The following EXT1 variants were observed in gnomAD, a reference collection of about 807,000 sequenced individuals.
The protein encoded by EXT1 is exostosin-1.
EXT1 carries 20 observed loss-of-function variants against 82.5 expected under a neutral mutation model. The ratio of observed to expected loss-of-function variants is 0.24; its 90% CI spans 0.17 to 0.35. The LOEUF (loss-of-function observed/expected upper bound fraction) is 0.35, where lower values mean the gene tolerates loss of function less well. Ranked by LOEUF, EXT1 falls within the 10% of genes least tolerant of loss-of-function variation. The pLI is 1.00. For missense variants in EXT1, 757 were observed against 936.5 expected (o/e 0.81, Z 2.50); for synonymous variants, 348 against 350.8 (o/e 0.99, Z 0.09).
At chr8:118,050,317 T>C (rs954534694) in intron 1 of EXT1, among the ~76,000 whole-genome samples, 1 of 152,210 alleles carries the variant, frequency 6.6e-6, no homozygotes, top group Non-Finnish European at 1.5e-5. Context: ...TATACATGTA[T>C]AGATGCTTTA....
intron 1 of EXT1, among the ~76,000 whole-genome samples, chr8:117,945,157 G>A (rs928098444): frequency 7.9e-5 from 12 of 152,094 alleles, no homozygotes; most frequent in African/African-American, 1.2e-4. Context: ...GCGAGACTCC[G>A]TCTCAAGAAA....
intron 1 of EXT1, among the ~76,000 whole-genome samples, chr8:117,886,067 C>T (rs528892146): frequency 5.3e-5 from 8 of 151,952 alleles, no homozygotes; most frequent in Non-Finnish European, 7.4e-5. Flanking sequence ...AAAATGTATA[C>T]GATGGAACAA....
intron 1 of EXT1, among the ~76,000 whole-genome samples, chr8:118,061,723 G>A (rs907803322): frequency 6.6e-6 from 1 of 152,200 alleles, no homozygotes; most frequent in Non-Finnish European, 1.5e-5. Flanking sequence ...AGCAAAATAT[G>A]AATATGTTTA....
chr8:117,893,066 A>C (rs6997503), intron 1 of EXT1, among the ~76,000 whole-genome samples: 62,299 of 152,132 alleles, frequency 0.41, 13,150 homozygotes, highest in South Asian at 0.46. Context: ...GAGTAGCTGA[A>C]ACATTACAGT....
At chr8:118,044,586 T>C (rs868830104) in intron 1 of EXT1, among the ~76,000 whole-genome samples, 7 of 152,164 alleles carry the variant, frequency 4.6e-5, no homozygotes, top group South Asian at 2.1e-4. Context: ...TTTGTATTTT[T>C]AGTAGAGACG....
intron 1 of EXT1, among the ~76,000 whole-genome samples, chr8:118,084,348 C>G (rs993824563): frequency 6.6e-6 from 1 of 152,208 alleles, no homozygotes; most frequent in African/African-American, 2.4e-5. Flanking sequence ...TAGGAATTAT[C>G]ACAGAGCACA....
intron 1 of EXT1, among the ~76,000 whole-genome samples, chr8:118,061,425 C>A (rs1051190600): frequency 2.6e-5 from 4 of 152,178 alleles, no homozygotes; most frequent in Non-Finnish European, 4.4e-5. Flanking sequence ...GGTTCAAGTA[C>A]AACCAGCAAA....
intron 1 of EXT1, among the ~76,000 whole-genome samples, chr8:117,886,881 G>A (rs1458809034): frequency 1.3e-5 from 2 of 152,128 alleles, no homozygotes; most frequent in Non-Finnish European, 2.9e-5. Context: ...GAGGTTAAAA[G>A]CTTAAGATTT....
intron 1 of EXT1, among the ~76,000 whole-genome samples, chr8:117,844,215 A>G (rs1331136977): frequency 6.6e-6 from 1 of 151,470 alleles, no homozygotes; most frequent in Non-Finnish European, 1.5e-5. Context: ...TGCAGTGGTG[A>G]GATCACAGTT....
chr8:117,892,110 A>G (rs1278319996), intron 1 of EXT1, among the ~76,000 whole-genome samples: 1 of 152,122 alleles, frequency 6.6e-6, no homozygotes, highest in African/African-American at 2.4e-5. Flanking sequence ...CATTCAAGAA[A>G]GGTTTTCTTA....
chr8:118,020,636 ACT>A (rs10547666), intron 1 of EXT1, among the ~76,000 whole-genome samples: 44,850 of 151,930 alleles, frequency 0.3, 6,716 homozygotes, highest in South Asian at 0.42. Context: ...AGCATTAAGC[ACT>A]CTGAGGTTAT....
At chr8:118,055,033 T>A (rs901538385) in intron 1 of EXT1, among the ~76,000 whole-genome samples, 1 of 152,138 alleles carries the variant, frequency 6.6e-6, no homozygotes, top group East Asian at 1.9e-4. Context: ...ATTGGTAAAC[T>A]GTATATTTTG....
At chr8:118,051,315 G>A (rs986077233) in intron 1 of EXT1, among the ~76,000 whole-genome samples, 9 of 152,136 alleles carry the variant, frequency 5.9e-5, no homozygotes, top group African/African-American at 1.9e-4. Context: ...ACCAGCCTGG[G>A]TGACAGAGCA....
intron 1 of EXT1, among the ~76,000 whole-genome samples, chr8:117,876,638 G>C (rs1412479089): frequency 1.3e-5 from 2 of 152,144 alleles, no homozygotes; most frequent in Non-Finnish European, 1.5e-5. Context: ...TAATAAATGG[G>C]AGATGTGGGG....
chr8:117,982,746 C>T (rs1447669405), intron 1 of EXT1, among the ~76,000 whole-genome samples: 1 of 152,138 alleles, frequency 6.6e-6, no homozygotes, highest in Non-Finnish European at 1.5e-5. Flanking sequence ...CTCAACTCAG[C>T]CTCCCAAAGT....
chr8:117,874,575 C>CAAAAAAAAAAAAAAAAA (rs61249983), intron 1 of EXT1, among the ~76,000 whole-genome samples: 179 of 69,596 alleles, frequency 2.6e-3, no homozygotes, highest in East Asian at 4.8e-3. Context: ...GACTCTGCCT[C>CAAAAAAAAAAAAAAAAA]AAAAAAAAAA....
At chr8:117,897,952 C>T (rs1813374001) in intron 1 of EXT1, among the ~76,000 whole-genome samples, 1 of 152,102 alleles carries the variant, frequency 6.6e-6, no homozygotes, top group African/African-American at 2.4e-5. Context: ...TGCAAGAAGC[C>T]ACCTCATAGG....
rs1182351764 is a variant in EXT1, at chr8:117,819,792, A to C, written c.1420T>G (p.Leu474Val). Residue 474 changes from leucine (L) to valine (V), a missense_variant and splice_region_variant, in exon 6 of 11, where the codon TTA (leucine) becomes GTA (valine). Physicochemically the swap from Leu to Val is conservative, Grantham distance 32. Transcript: ENST00000378204. Reference sequence around the variant, plus strand: ...GCAGTGAATTTGGAGGGGGGCTTTAAACCTGAAATAAAAAGGAGAGTAGAG... The same window carrying C: ...GCAGTGAATTTGGAGGGGGGCTTTACACCTGAAATAAAAAGGAGAGTAGAG... ...DFPYYYANLG[L>V]KPPSKFTAVI... is the part of the protein sequence containing the mutation. 1 of 1,613,008 alleles carries C rather than the reference A, an allele frequency of 6.2e-7. No homozygotes were observed.
intron 1 of EXT1, among the ~76,000 whole-genome samples, chr8:118,006,093 C>T (rs17453693): frequency 0.021 from 3,221 of 152,288 alleles, 45 homozygotes; most frequent in Non-Finnish European, 0.033. Context: ...CTAGGTTGCC[C>T]ATCTAAGTTT....
Sources: gnomAD v4.1 joint callset for allele counts (sites outside exome capture counted in the v4.1 genomes callset) on GRCh38, gnomAD v4.1.1 for gene constraint, MANE v1.5 for transcripts, NCBI Gene and HGNC (gene_info 2026-07-23, HGNC 2026-07-21) for gene names.